The following ABCC1 variants were observed in gnomAD, a reference collection of about 807,000 sequenced individuals.
ABCC1 encodes the protein multidrug resistance-associated protein 1.
In ABCC1, 83 loss-of-function variants were observed where a neutral mutation model predicts 172.9. That is an observed-to-expected ratio of 0.48 (90% CI 0.40 to 0.58). The LOEUF (loss-of-function observed/expected upper bound fraction) is 0.58, where lower values mean the gene tolerates loss of function less well. ABCC1 is among the 20% of genes least tolerant of loss of function. The probability of loss-of-function intolerance (pLI) is 0.00; values close to 1 mark genes in which losing one functional copy is unlikely to be tolerated. For synonymous variants in ABCC1, 937 were observed against 825.2 expected (o/e 1.14, Z -2.32); for missense variants, 1,817 against 2,002.7 (o/e 0.91, Z 1.77).
At chr16:16,008,120 G>T in intron 2 of ABCC1, 128 bp downstream of exon 2, 3 of 956,818 alleles carry the variant, frequency 3.1e-6, no homozygotes, top group Non-Finnish European at 3.1e-6. Flanking sequence ...GAAGGCAGAA[G>T]AATAATGTGG....
At chr16:16,037,880 C>T (rs946240745) in intron 7 of ABCC1, among the ~76,000 whole-genome samples, 14 of 152,074 alleles carry the variant, frequency 9.2e-5, no homozygotes, top group African/African-American at 2.9e-4. Flanking sequence ...TTTGGGTGGT[C>T]CAGGTGATGG....
In ABCC1 at chr16:16,026,432, CAA is replaced by C. The variant is rs386384354; in HGVS notation, c.616-6655_616-6654del. On this transcript the variant is annotated intron_variant, in intron 5 of 30. Transcript: ENST00000399410. ...CTGGGCGATGAGAGTGAAACCGTCT[CAA>C]AAAAAAAAAAAAAAAAAAAAAGGCT... Among the ~76,000 whole-genome samples the C allele has an allele frequency of 8.6e-3, 509 of 59,218 alleles. 1 individual carries two copies. Among genetic ancestry groups the C allele is most frequent in the African/African-American group, 0.038 (449 of 11,700 alleles). 38.8% of individuals were successfully genotyped at this position (59,218 alleles called of 152,430 possible).
rs368490471 is a variant in ABCC1, at chr16:15,960,362, G to A, written c.48+10563G>A. Among the ~76,000 whole-genome samples, 127 of 152,148 alleles carry A rather than the reference G, an allele frequency of 8.3e-4. 3 individuals carry two copies. Among genetic ancestry groups the A allele is most frequent in the African/African-American group, 2.7e-3 (114 of 41,522 alleles). On this transcript the variant is annotated intron_variant, in intron 1 of 30. Coordinates refer to ENST00000399410, the MANE Select transcript of ABCC1 (RefSeq NM_004996.4). ...TGGGATTACAGGTGTGAGCCACCAC[G>A]CCCAGCCTCGTGTGGTCTTTGATAC... is the stretch of plus-strand genomic sequence containing the variant.
At chr16:15,957,246 ATTT>A (rs1157024430) in intron 1 of ABCC1, among the ~76,000 whole-genome samples, 2 of 131,108 alleles carry the variant, frequency 1.5e-5, no homozygotes, top group Non-Finnish European at 3.2e-5. Context: ...TGCCCAGCTA[ATTT>A]TTTTTTTTTT....
intron 23 of ABCC1, among the ~76,000 whole-genome samples, chr16:16,119,162 C>T (rs1048274973): frequency 1.3e-5 from 2 of 152,106 alleles, no homozygotes; most frequent in African/African-American, 2.4e-5. Flanking sequence ...GAAGTTCGGT[C>T]GGGTGCAGTG....
In ABCC1 at chr16:16,118,883, TAAAAAA is replaced by T. The variant is rs397855738; in HGVS notation, c.3391-3075_3391-3070del. On this transcript the variant is annotated intron_variant, in intron 23 of 30. Coordinates refer to ENST00000399410, the MANE Select transcript of ABCC1 (RefSeq NM_004996.4). ...GGCAGTCTCATTCCTAAGTGTATAT[TAAAAAA>T]AAAAAAAAAAAAAAAAGAGCAAAGG... is the stretch of plus-strand genomic sequence containing the variant. 1.9e-3 allele frequency among the ~76,000 whole-genome samples: 226 copies of T among 118,426 alleles called. 1 individual carries two copies. The highest frequency in any genetic ancestry group is 3.2e-3 in the Non-Finnish European group (189 of 58,476). The allele number at this position is 118,426 out of a possible 152,430, so 77.7% of individuals were successfully genotyped here.
At chr16:16,008,634 C>G (rs1454445467) in intron 2 of ABCC1, among the ~76,000 whole-genome samples, 1 of 151,698 alleles carries the variant, frequency 6.6e-6, no homozygotes, top group African/African-American at 2.4e-5. Flanking sequence ...GCGGGCAGGT[C>G]AGGAGTTTGA....
At chr16:16,096,503 A>AC (rs1177088392) in intron 19 of ABCC1, among the ~76,000 whole-genome samples, 1 of 151,904 alleles carries the variant, frequency 6.6e-6, no homozygotes, top group Non-Finnish European at 1.5e-5. Context: ...CATCAGACAG[A>AC]CCCCCACATT....
chr16:16,114,300 C>A (rs1226954153), intron 22 of ABCC1, among the ~76,000 whole-genome samples: 2 of 152,032 alleles, frequency 1.3e-5, no homozygotes, highest in Non-Finnish European at 2.9e-5. Flanking sequence ...ATAGGAAGTA[C>A]CCTCTGAATA....
At chr16:16,038,516 G>T (rs1188263482) in intron 7 of ABCC1, among the ~76,000 whole-genome samples, 1 of 152,142 alleles carries the variant, frequency 6.6e-6, no homozygotes, top group Non-Finnish European at 1.5e-5. Flanking sequence ...CTGACTTTTT[G>T]TTGTGTCCGG....
chr16:16,107,339 G>T (rs565698291), intron 21 of ABCC1, among the ~76,000 whole-genome samples: 1 of 152,234 alleles, frequency 6.6e-6, no homozygotes, highest in African/African-American at 2.4e-5. Flanking sequence ...ACCAAGGCTG[G>T]AGTGCAGTGG....
At chr16:16,009,649 C>G in intron 2 of ABCC1, 127 bp from the exon 3 acceptor site, 2 of 1,040,862 alleles carry the variant, frequency 1.9e-6, no homozygotes, top group Non-Finnish European at 2.7e-6. Flanking sequence ...GTGCCATGTC[C>G]TAGGACTGTG....
At chr16:16,013,504 G>T (rs1387207764) in intron 3 of ABCC1, among the ~76,000 whole-genome samples, 1 of 151,230 alleles carries the variant, frequency 6.6e-6, no homozygotes, top group African/African-American at 2.4e-5. Context: ...CTCCTGACCT[G>T]CCCGCCTTGG....
intron 12 of ABCC1, among the ~76,000 whole-genome samples, chr16:16,062,872 C>T (rs557073444): frequency 1.3e-5 from 2 of 152,250 alleles, no homozygotes; most frequent in South Asian, 2.1e-4. Flanking sequence ...GCATTTACCA[C>T]GTCCACCTAA....
chr16:16,023,882 G>C (rs1001055864), intron 5 of ABCC1, among the ~76,000 whole-genome samples: 1 of 152,172 alleles, frequency 6.6e-6, no homozygotes, highest in Non-Finnish European at 1.5e-5. Flanking sequence ...ATGTGCAAAG[G>C]TCCAGTTGAG....
intron 1 of ABCC1, among the ~76,000 whole-genome samples, chr16:15,950,070 G>T (rs936570793): frequency 6.6e-6 from 1 of 152,086 alleles, no homozygotes; most frequent in Non-Finnish European, 1.5e-5. Context: ...CAGAGCCGCC[G>T]TGAGGAGGCC....
At chr16:16,029,446 C>T (rs932043068) in intron 5 of ABCC1, among the ~76,000 whole-genome samples, 2 of 152,134 alleles carry the variant, frequency 1.3e-5, no homozygotes, top group African/African-American at 4.8e-5. Flanking sequence ...TGGTCTCGAA[C>T]TCCTGAACTC....
At chr16:16,014,710 C>T in intron 4 of ABCC1, 82 bp downstream of exon 4, 5 of 1,512,836 alleles carry the variant, frequency 3.3e-6, no homozygotes, top group Non-Finnish European at 4.5e-6. Flanking sequence ...GTGTAGAAGT[C>T]ATGCGTTGCC....
At chr16:15,968,394 C>G (rs1815591365) in intron 1 of ABCC1, among the ~76,000 whole-genome samples, 1 of 152,010 alleles carries the variant, frequency 6.6e-6, no homozygotes, top group African/African-American at 2.4e-5. Context: ...CTCTTCTCCA[C>G]AGATCCTAAA....
Sources: gnomAD v4.1 joint callset for allele counts (sites outside exome capture counted in the v4.1 genomes callset) on GRCh38, gnomAD v4.1.1 for gene constraint, MANE v1.5 for transcripts, NCBI Gene and HGNC (gene_info 2026-07-23, HGNC 2026-07-21) for gene names.